The following JPH2 variants were observed in gnomAD, a reference collection of about 807,000 sequenced individuals.
JPH2 encodes the protein junctophilin-2.
Under a neutral mutation model 55.9 loss-of-function variants are expected in JPH2, and 38 were observed. The ratio of observed to expected loss-of-function variants is 0.68; its 90% confidence interval spans 0.52 to 0.89. The LOEUF is 0.89. Among genes scored for constraint, JPH2 ranks in the 40% least tolerant of loss-of-function variants. JPH2 has a pLI of 0.00. For missense variants in JPH2, 964 were observed against 1,037.6 expected, an observed-to-expected ratio of 0.93 and a Z score of 0.97; for synonymous variants, 480 against 472.4, an observed-to-expected ratio of 1.02 and a Z score of -0.21.
In JPH2 at chr20:44,108,277, T is replaced by C. The variant is rs914925616; in HGVS notation, c.*5241A>G. 1.3e-5 allele frequency among the ~76,000 whole-genome samples: 2 copies of C among 152,224 alleles called. No homozygotes were observed. The highest frequency in any genetic ancestry group is 2.9e-5 in the Non-Finnish European group (2 of 68,030). On this transcript the variant is annotated 3_prime_UTR_variant, in exon 6 of 6. Transcript: ENST00000372980. ...CCTCCCAGATTCCTTCCTATGTCCC[T>C]TTCCCTTGGCTGGTTCTGATTCGCA...
intron 4 of JPH2, 98 bp downstream of exon 4, chr20:44,115,567 C>T: frequency 6.6e-7 from 1 of 1,524,024 alleles, no homozygotes. Context: ...GTCTCTCGCA[C>T]CCCAGCAACC....
At chr20:44,126,363 C>T (rs1214432944) in intron 2 of JPH2, among the ~76,000 whole-genome samples, 1 of 152,120 alleles carries the variant, frequency 6.6e-6, no homozygotes, top group African/African-American at 2.4e-5. Context: ...GGCAGATAAT[C>T]AGGGTCCCTG....
At chr20:44,181,903 G>T (rs1019349132) in intron 1 of JPH2, among the ~76,000 whole-genome samples, 2 of 152,232 alleles carry the variant, frequency 1.3e-5, no homozygotes, top group African/African-American at 4.8e-5. Context: ...TGTGAAGACA[G>T]GGAGCGTTTC....
chr20:44,175,434 A>G (rs1286058157), intron 1 of JPH2, among the ~76,000 whole-genome samples: 2 of 152,358 alleles, frequency 1.3e-5, no homozygotes, highest in African/African-American at 2.4e-5. Context: ...TTCCCGTAAC[A>G]ATCCCAAGGC....
At chr20:44,172,748 C>CAAAGTGTT (rs1390876691) in intron 1 of JPH2, among the ~76,000 whole-genome samples, 4 of 152,138 alleles carry the variant, frequency 2.6e-5, no homozygotes, top group Non-Finnish European at 5.9e-5. Flanking sequence ...CTCAACCTCC[C>CAAAGTGTT]AAAGTGTTGC....
rs2072589628 is a variant in JPH2 at position 44,159,623 on chromosome 20, G to A, written c.1164C>T (p.Ala388=). 6.2e-7 allele frequency: 1 copy of A among 1,602,036 alleles called. No individual in the cohort carries two copies. The highest frequency in any genetic ancestry group is 1.3e-5 in the African/African-American group (1 of 75,024). Reference sequence around the variant, plus strand: ...CACCCCCACCGCTGTCCTACCTGGAGGCGGCAATCTCGGCCTTCTGGCGCG... The same window carrying A: ...CACCCCCACCGCTGTCCTACCTGGAAGCGGCAATCTCGGCCTTCTGGCGCG... ...AIARQKAEIA[A]SRTSHAKAKA... is the part of the protein sequence containing the mutation. Residue 388 remains alanine (A), a synonymous_variant, in exon 2 of 6, where the codon GCC becomes GCT. Transcript: ENST00000372980. The surrounding 1 kb of genome is among the most constrained non-coding windows in gnomAD (Gnocchi z 5.7).
chr20:44,182,201 A>T (rs961541214), intron 1 of JPH2, among the ~76,000 whole-genome samples: 2 of 152,206 alleles, frequency 1.3e-5, no homozygotes, highest in Non-Finnish European at 2.9e-5. Flanking sequence ...TTATTTGTCC[A>T]CATCCCCCTC....
At chr20:44,154,284 G>A (rs938346940) in intron 2 of JPH2, among the ~76,000 whole-genome samples, 2 of 152,156 alleles carry the variant, frequency 1.3e-5, no homozygotes, top group African/African-American at 4.8e-5. Flanking sequence ...TTTTAATAAT[G>A]TATTTTGTCA....
chr20:44,137,011 C>A (rs1287491757), intron 2 of JPH2, among the ~76,000 whole-genome samples: 3 of 152,172 alleles, frequency 2.0e-5, no homozygotes, highest in African/African-American at 7.2e-5. Context: ...TTATGTGTAC[C>A]AGAACCTGGG....
chr20:44,177,464 A>C (rs1248592886), intron 1 of JPH2: 11 of 991,852 alleles, frequency 1.1e-5, no homozygotes, highest in Non-Finnish European at 1.3e-5. Flanking sequence ...CACATGAATC[A>C]CTGAAAACAA....
chr20:44,136,277 A>G (rs148673521), intron 2 of JPH2, among the ~76,000 whole-genome samples: 1,965 of 152,252 alleles, frequency 0.013, 23 homozygotes, highest in Non-Finnish European at 0.022. Context: ...TCTTTAGGAA[A>G]CACAGACAGG....
chr20:44,139,879 A>AT (rs942017290), intron 2 of JPH2, among the ~76,000 whole-genome samples: 39 of 150,122 alleles, frequency 2.6e-4, no homozygotes, highest in East Asian at 9.8e-4. Flanking sequence ...TGAATGTATG[A>AT]TTTTTTTTTT....
intron 2 of JPH2, among the ~76,000 whole-genome samples, chr20:44,151,856 G>A (rs192502524): frequency 6.6e-6 from 1 of 152,208 alleles, no homozygotes; most frequent in East Asian, 1.9e-4. Flanking sequence ...AATACATCAC[G>A]CACATTCCTA....
intron 1 of JPH2, among the ~76,000 whole-genome samples, chr20:44,162,455 A>T (rs1228868289): frequency 2.0e-5 from 3 of 152,032 alleles, no homozygotes; most frequent in Non-Finnish European, 4.4e-5. Context: ...AAGGAGATTA[A>T]CATTTGAGTC....
At chr20:44,121,300 A>G (rs1292660530) in intron 2 of JPH2, among the ~76,000 whole-genome samples, 1 of 152,200 alleles carries the variant, frequency 6.6e-6, no homozygotes, top group East Asian at 1.9e-4. Flanking sequence ...TGCAAAGCCA[A>G]GTCAGAGTGT....
intron 2 of JPH2, among the ~76,000 whole-genome samples, chr20:44,120,782 AGTTTACGAATTCGT>A (rs1458498715): frequency 6.6e-6 from 1 of 152,186 alleles, no homozygotes; most frequent in East Asian, 1.9e-4. Context: ...ATTTTAATAG[AGTTTACGAATTCGT>A]GTTGGGCCAC....
intron 2 of JPH2, among the ~76,000 whole-genome samples, chr20:44,155,312 A>G (rs2072557973): frequency 6.6e-6 from 1 of 152,122 alleles, no homozygotes; most frequent in Non-Finnish European, 1.5e-5. Flanking sequence ...GTTCCAATTC[A>G]TGGTCTTCTG....
chr20:44,166,660 G>T (rs539111996), intron 1 of JPH2, among the ~76,000 whole-genome samples: 2 of 152,238 alleles, frequency 1.3e-5, no homozygotes, highest in African/African-American at 4.8e-5. Flanking sequence ...GAGTGACAGG[G>T]CCCTGGGAAG....
At chr20:44,118,656 C>T (rs2072212309) in intron 2 of JPH2, 33 bp from the exon 3 acceptor site, 2 of 1,555,240 alleles carry the variant, frequency 1.3e-6, no homozygotes, top group South Asian at 2.2e-5. Flanking sequence ...GACTCAGGAT[C>T]CTTCCAGAGA....
Sources: gnomAD v4.1 joint callset for allele counts (sites outside exome capture counted in the v4.1 genomes callset) on GRCh38, gnomAD v4.1.1 for gene constraint, Gnocchi (gnomAD v3.1) non-coding constraint, MANE v1.5 for transcripts, NCBI Gene and HGNC (gene_info 2026-07-23, HGNC 2026-07-21) for gene names.